The following FGGY variants were observed in gnomAD, a reference collection of about 807,000 sequenced individuals.
FGGY encodes the protein FGGY carbohydrate kinase domain containing.
A neutral mutation model predicts 71.3 loss-of-function variants in FGGY; 72 were observed. That is an observed-to-expected ratio of 1.01 (90% CI 0.84 to 1.23). The LOEUF is 1.23. Ranked by LOEUF, FGGY falls within the 50% of genes most tolerant of loss-of-function variation. The probability of loss-of-function intolerance (pLI) is 0.00; values close to 1 mark genes in which losing one functional copy is unlikely to be tolerated. For synonymous variants in FGGY, 251 were observed against 250.3 expected (o/e 1.00, Z -0.02); for missense variants, 668 against 682.3 (o/e 0.98, Z 0.23).
In FGGY at chr1:59,297,150, G is replaced by A. The variant is rs2042062037; in HGVS notation, c.-15G>A. On this transcript the variant is annotated splice_region_variant and 5_prime_UTR_variant, in exon 1 of 16. Coordinates refer to ENST00000303721, the MANE Select transcript of FGGY (RefSeq NM_018291.5). Reference sequence around the variant, plus strand: ...GTTGAGTCCCCTGTGTCCTCTTCTGGGTGAGGCGTCCGGCCACTTAAGGGA... The same window carrying A: ...GTTGAGTCCCCTGTGTCCTCTTCTGAGTGAGGCGTCCGGCCACTTAAGGGA... 1 of 152,512 alleles carries A rather than the reference G, an allele frequency of 6.6e-6. No homozygotes were observed. Among genetic ancestry groups the A allele is most frequent in the Non-Finnish European group, 1.5e-5 (1 of 68,216 alleles). The allele number at this position is 152,512 out of a possible 1,614,324, so 9.4% of individuals were successfully genotyped here.
In FGGY at chr1:59,521,382, G is replaced by A. The variant is rs1442435541; in HGVS notation, c.799+8943G>A. On this transcript the variant is annotated intron_variant, in intron 7 of 15. Coordinates refer to ENST00000303721, the MANE Select transcript of FGGY (RefSeq NM_018291.5). ...GAGTGCTGTGATTCTCTGGACTGCAGAAGGCTGGCCTTAGCTGAGAGACCA... is the reference window on the plus strand; with the variant it reads ...GAGTGCTGTGATTCTCTGGACTGCAAAAGGCTGGCCTTAGCTGAGAGACCA... Among the ~76,000 whole-genome samples the A allele has an allele frequency of 2.6e-5, 4 of 152,234 alleles. No homozygotes were observed. In the East Asian group the frequency reaches 7.7e-4, roughly 29 times the overall value.
chr1:59,561,072 A>G (rs761401676), intron 8 of FGGY, among the ~76,000 whole-genome samples: 4 of 152,208 alleles, frequency 2.6e-5, no homozygotes, highest in Non-Finnish European at 5.9e-5. Flanking sequence ...ACAGTCATGT[A>G]TTATGAACTG....
chr1:59,373,664 A>G (rs1317206300), intron 4 of FGGY, among the ~76,000 whole-genome samples: 4 of 152,318 alleles, frequency 2.6e-5, no homozygotes, highest in African/African-American at 7.2e-5. Context: ...CTATACTACA[A>G]GTCTACAGTA....
intron 12 of FGGY, among the ~76,000 whole-genome samples, chr1:59,665,729 A>G (rs569705638): frequency 2.0e-5 from 3 of 151,332 alleles, no homozygotes; most frequent in African/African-American, 7.3e-5. Context: ...GCTGGAGTGC[A>G]ATGGTGTGAT....
intron 7 of FGGY, among the ~76,000 whole-genome samples, chr1:59,550,205 C>T (rs376016946): frequency 2.6e-5 from 4 of 152,024 alleles, no homozygotes; most frequent in African/African-American, 9.7e-5. Flanking sequence ...CCAGCGGTAC[C>T]GAGGGCTGCA....
chr1:59,668,859 C>T (rs561274789), intron 13 of FGGY, among the ~76,000 whole-genome samples: 7 of 151,894 alleles, frequency 4.6e-5, no homozygotes, highest in South Asian at 2.1e-4. Context: ...GGCGTGGTGG[C>T]GCATGCCTGT....
At chr1:59,327,698 G>A (rs1170271937) in intron 2 of FGGY, among the ~76,000 whole-genome samples, 1 of 152,090 alleles carries the variant, frequency 6.6e-6, no homozygotes, top group East Asian at 1.9e-4. Context: ...ACTATCTATG[G>A]CAGCTATATC....
chr1:59,654,490 TTCTTG>T, intron 11 of FGGY, among the ~76,000 whole-genome samples: 1 of 152,336 alleles, frequency 6.6e-6, no homozygotes, highest in East Asian at 1.9e-4. Flanking sequence ...GAATCCCATT[TTCTTG>T]TCTTTTGTAA....
At chr1:59,712,252 G>A (rs2100307292) in intron 14 of FGGY, among the ~76,000 whole-genome samples, 1 of 152,304 alleles carries the variant, frequency 6.6e-6, no homozygotes, top group South Asian at 2.1e-4. Context: ...GCAAGATGTA[G>A]GTTCCCATCA....
chr1:59,436,155 C>T (rs1374239841), intron 5 of FGGY, among the ~76,000 whole-genome samples: 1 of 152,172 alleles, frequency 6.6e-6, no homozygotes, highest in African/African-American at 2.4e-5. Context: ...CTAGCCTCTT[C>T]ACCCTCAATT....
At chr1:59,319,347 T>C (rs2045984005) in intron 1 of FGGY, among the ~76,000 whole-genome samples, 1 of 152,214 alleles carries the variant, frequency 6.6e-6, no homozygotes, top group Non-Finnish European at 1.5e-5. Context: ...TGAAAACCTA[T>C]TATGTGCCAG....
At chr1:59,715,563 A>G (rs933633245) in intron 14 of FGGY, among the ~76,000 whole-genome samples, 6 of 152,240 alleles carry the variant, frequency 3.9e-5, no homozygotes, top group African/African-American at 1.4e-4. Flanking sequence ...TACTGGTTTT[A>G]GAGTCAGTCA....
chr1:59,467,045 C>T (rs553704203), intron 6 of FGGY, among the ~76,000 whole-genome samples: 14 of 152,162 alleles, frequency 9.2e-5, no homozygotes, highest in East Asian at 1.9e-4. Context: ...TAAAGACACG[C>T]GTACACGTAT....
At chr1:59,709,468 A>T (rs796324915) in intron 14 of FGGY, among the ~76,000 whole-genome samples, 9 of 146,040 alleles carry the variant, frequency 6.2e-5, no homozygotes, top group African/African-American at 2.0e-4. Context: ...AAACTATATC[A>T]CACACACACA....
chr1:59,545,795 G>T (rs2095511093), intron 7 of FGGY, among the ~76,000 whole-genome samples: 1 of 152,172 alleles, frequency 6.6e-6, no homozygotes, highest in South Asian at 2.1e-4. Flanking sequence ...AGACAGAAAT[G>T]ATGAATGCCA....
At chr1:59,372,041 C>T (rs942311111) in intron 4 of FGGY, among the ~76,000 whole-genome samples, 3 of 151,788 alleles carry the variant, frequency 2.0e-5, no homozygotes, top group Non-Finnish European at 4.4e-5. Flanking sequence ...TAGCAGAAGG[C>T]GAGAAATAAC....
intron 2 of FGGY, among the ~76,000 whole-genome samples, chr1:59,323,301 T>C (rs2046737346): frequency 6.6e-6 from 1 of 152,236 alleles, no homozygotes. Context: ...AGATTTTTAA[T>C]CATCTCCCAG....
intron 5 of FGGY, among the ~76,000 whole-genome samples, chr1:59,441,516 A>G (rs951899838): frequency 1.3e-5 from 2 of 152,154 alleles, no homozygotes. Context: ...GTGGGTTTTC[A>G]TTTGAACATT....
intron 5 of FGGY, among the ~76,000 whole-genome samples, chr1:59,392,986 G>A (rs775745750): frequency 6.6e-6 from 1 of 152,166 alleles, no homozygotes; most frequent in Non-Finnish European, 1.5e-5. Context: ...CAAAAGCGGA[G>A]CACTCTTGCC....
Sources: allele counts gnomAD v4.1 joint callset (sites outside exome capture counted in the v4.1 genomes callset), GRCh38; gene constraint gnomAD v4.1.1; transcripts MANE v1.5; gene names NCBI Gene and HGNC (gene_info 2026-07-23, HGNC 2026-07-21).